The following EDIL3 variants were observed in gnomAD, a reference collection of about 807,000 sequenced individuals.
EDIL3 encodes the protein EGF-like repeat and discoidin I-like domain-containing protein 3.
Under a neutral mutation model 67.4 loss-of-function variants are expected in EDIL3, and 37 were observed. That is an observed-to-expected ratio of 0.55 (90% CI 0.42 to 0.72). The LOEUF (loss-of-function observed/expected upper bound fraction) is 0.72. Among genes scored for constraint, EDIL3 ranks in the 30% least tolerant of loss-of-function variants. The pLI, the probability that EDIL3 is intolerant of heterozygous loss-of-function variation, is 0.00. For synonymous variants in EDIL3, 195 were observed against 196.3 expected, an observed-to-expected ratio of 0.99 and a Z score of 0.05; for missense variants, 527 against 586.3, an observed-to-expected ratio of 0.90 and a Z score of 1.04.
chr5:84,046,241 G>A (rs1746221730), intron 9 of EDIL3, among the ~76,000 whole-genome samples: 1 of 152,184 alleles, frequency 6.6e-6, no homozygotes. Flanking sequence ...CACAAATTTA[G>A]AGGGCAAGCT....
At chr5:84,247,285 C>T (rs1744926750) in intron 2 of EDIL3, among the ~76,000 whole-genome samples, 1 of 152,228 alleles carries the variant, frequency 6.6e-6, no homozygotes, top group Middle Eastern at 3.4e-3. Flanking sequence ...TACCAAATCC[C>T]TCATTTGGTA....
chr5:84,308,217 C>A (rs2112138661), intron 1 of EDIL3, among the ~76,000 whole-genome samples: 1 of 152,146 alleles, frequency 6.6e-6, no homozygotes, highest in African/African-American at 2.4e-5. Flanking sequence ...CTCTTAATTG[C>A]TGGTCTTTAT....
intron 8 of EDIL3, 74 bp downstream of exon 8, chr5:84,064,626 A>C: frequency 6.7e-7 from 1 of 1,481,512 alleles, no homozygotes; most frequent in Non-Finnish European, 9.0e-7. Context: ...TTTGTAGGTT[A>C]GTAACAGGCT....
intron 9 of EDIL3, among the ~76,000 whole-genome samples, chr5:84,030,632 C>T (rs1250702683): frequency 1.3e-5 from 2 of 152,136 alleles, no homozygotes; most frequent in African/African-American, 4.8e-5. Flanking sequence ...ACAGATTATG[C>T]TGCAATGCTA....
At chr5:84,190,570 T>TGG (rs1222668302) in intron 3 of EDIL3, among the ~76,000 whole-genome samples, 1 of 62,696 alleles carries the variant, frequency 1.6e-5, no homozygotes, top group Non-Finnish European at 3.2e-5. Context: ...TGTGTGTGTG[T>TGG]GTGTGTGTGT....
intron 4 of EDIL3, among the ~76,000 whole-genome samples, chr5:84,157,107 T>A (rs1482631112): frequency 2.0e-5 from 3 of 152,136 alleles, no homozygotes; most frequent in East Asian, 1.9e-4. Context: ...CTAAGGATGT[T>A]TTTTTACCAT....
intron 6 of EDIL3, among the ~76,000 whole-genome samples, chr5:84,087,301 T>G (rs1018450400): frequency 3.9e-5 from 6 of 152,206 alleles, no homozygotes; most frequent in African/African-American, 1.4e-4. Flanking sequence ...GTTGACTCTT[T>G]GTATATAAAG....
intron 3 of EDIL3, among the ~76,000 whole-genome samples, chr5:84,197,742 T>A (rs1166601626): frequency 6.6e-6 from 1 of 151,658 alleles, no homozygotes; most frequent in Non-Finnish European, 1.5e-5. Context: ...AATTGCATCA[T>A]GAAGTGCAAG....
intron 9 of EDIL3, among the ~76,000 whole-genome samples, chr5:84,035,232 G>A (rs1746001052): frequency 6.6e-6 from 1 of 152,036 alleles, no homozygotes; most frequent in African/African-American, 2.4e-5. Context: ...AGGGAGCAAA[G>A]TTCATCCTTA....
At chr5:84,252,212 C>G (rs1380160713) in intron 2 of EDIL3, among the ~76,000 whole-genome samples, 1 of 152,014 alleles carries the variant, frequency 6.6e-6, no homozygotes, top group Non-Finnish European at 1.5e-5. Context: ...ATTCGGCTGG[C>G]CGGGCGCGGT....
At chr5:84,139,706 T>G (rs1174980609) in intron 4 of EDIL3, among the ~76,000 whole-genome samples, 1 of 152,202 alleles carries the variant, frequency 6.6e-6, no homozygotes, top group Non-Finnish European at 1.5e-5. Flanking sequence ...TGCAAAAATT[T>G]ATTCTCATAT....
intron 4 of EDIL3, among the ~76,000 whole-genome samples, chr5:84,165,527 T>C (rs535373709): frequency 6.6e-6 from 1 of 152,258 alleles, no homozygotes; most frequent in Admixed American, 6.5e-5. Flanking sequence ...ATTCACTGCC[T>C]AGGCTGTGAG....
chr5:84,347,918 T>C (rs141828973), intron 1 of EDIL3, among the ~76,000 whole-genome samples: 107 of 152,304 alleles, frequency 7.0e-4, no homozygotes, highest in African/African-American at 2.4e-3. Flanking sequence ...ATGAATGAGA[T>C]AAACACCCTC....
At chr5:84,321,232 T>C (rs1431840690) in intron 1 of EDIL3, among the ~76,000 whole-genome samples, 1 of 152,186 alleles carries the variant, frequency 6.6e-6, no homozygotes, top group Middle Eastern at 3.2e-3. Context: ...TGTTGAATTA[T>C]CTCAGCTTCT....
intron 1 of EDIL3, among the ~76,000 whole-genome samples, chr5:84,333,391 T>A (rs1429858272): frequency 6.6e-6 from 1 of 152,092 alleles, no homozygotes; most frequent in Non-Finnish European, 1.5e-5. Context: ...AAAATATTCT[T>A]AAAAAATAGT....
At chr5:84,236,205 A>T (rs2112051227) in intron 2 of EDIL3, among the ~76,000 whole-genome samples, 1 of 152,208 alleles carries the variant, frequency 6.6e-6, no homozygotes, top group Non-Finnish European at 1.5e-5. Context: ...AACTAAACTG[A>T]ACAAAAACAC....
At chr5:84,195,763 T>C (rs1452432100) in intron 3 of EDIL3, among the ~76,000 whole-genome samples, 2 of 151,994 alleles carry the variant, frequency 1.3e-5, no homozygotes, top group South Asian at 2.1e-4. Flanking sequence ...CTTGCCCCCA[T>C]GACCACAGTA....
intron 9 of EDIL3, among the ~76,000 whole-genome samples, chr5:84,059,653 T>C (rs1284073824): frequency 6.6e-6 from 1 of 152,182 alleles, no homozygotes; most frequent in Non-Finnish European, 1.5e-5. Flanking sequence ...CATTATCGAA[T>C]TGAGTTGTCT....
chr5:84,351,671 T>C (rs1747364148), intron 1 of EDIL3, among the ~76,000 whole-genome samples: 1 of 152,206 alleles, frequency 6.6e-6, no homozygotes, highest in Non-Finnish European at 1.5e-5. Flanking sequence ...GCAAATTTCT[T>C]CATCTGCAAA....
Sources: gnomAD v4.1 joint callset for allele counts (sites outside exome capture counted in the v4.1 genomes callset) on GRCh38, gnomAD v4.1.1 for gene constraint, MANE v1.5 for transcripts, NCBI Gene and HGNC (gene_info 2026-07-23, HGNC 2026-07-21) for gene names.